GLB1: variants seen among roughly 807,000 people sequenced by gnomAD.
The protein encoded by GLB1 is beta-galactosidase.
In GLB1, 56 loss-of-function variants were observed where a neutral mutation model predicts 74.0. That is an observed-to-expected ratio of 0.76 (90% CI 0.61 to 0.94). The LOEUF is 0.94. GLB1 is among the 40% of genes least tolerant of loss of function. GLB1 has a pLI of 0.00. For missense variants in GLB1, 787 were observed against 845.5 expected (o/e 0.93, Z 0.86); for synonymous variants, 323 against 323.6 (o/e 1.00, Z 0.02).
intron 10 of GLB1, among the ~76,000 whole-genome samples, chr3:33,041,158 C>A (rs1325097420): frequency 1.3e-5 from 2 of 152,074 alleles, no homozygotes; most frequent in African/African-American, 4.8e-5. Context: ...TCCAAAACTA[C>A]CAAGCAGGAT....
At position 32,997,022 on chromosome 3, in the gene GLB1, C is replaced by T; in HGVS notation, c.*23G>A. On this transcript the variant is annotated 3_prime_UTR_variant, in exon 16 of 16. Coordinates refer to ENST00000307363, the MANE Select transcript of GLB1 (RefSeq NM_000404.4). ...GTGAGGTATGTTCAGGGTAGAATCC[C>T]TCAAAGACACAGGCTTTCATCATCA... 1.2e-6 allele frequency: 2 copies of T among 1,614,094 alleles called. No homozygotes were observed. The highest frequency in any genetic ancestry group is 1.7e-6 in the Non-Finnish European group (2 of 1,180,036).
intron 1 of GLB1, among the ~76,000 whole-genome samples, chr3:33,089,523 C>T (rs1559420361): frequency 6.6e-6 from 1 of 152,094 alleles, no homozygotes; most frequent in Non-Finnish European, 1.5e-5. Context: ...AAAACATGCT[C>T]AACATGGATA....
At chr3:33,010,083 G>A (rs922571890) in intron 15 of GLB1, among the ~76,000 whole-genome samples, 1 of 152,142 alleles carries the variant, frequency 6.6e-6, no homozygotes, top group Admixed American at 6.6e-5. Context: ...ATGTGAACAT[G>A]TTTTCCTTTC....
At chr3:33,027,748 C>T (rs1302693729) in intron 10 of GLB1, among the ~76,000 whole-genome samples, 2 of 152,084 alleles carry the variant, frequency 1.3e-5, no homozygotes, top group African/African-American at 4.8e-5. Context: ...CACCACTGCA[C>T]TCCAGCCTGG....
intron 1 of GLB1, chr3:33,094,278 A>G: frequency 6.6e-7 from 1 of 1,516,208 alleles, no homozygotes; most frequent in Non-Finnish European, 8.8e-7. Context: ...ACAGTGGCCA[A>G]GGAGAGGTTT....
downstream of GLB1, among the ~76,000 whole-genome samples, chr3:32,993,011 G>A (rs978433657): frequency 2.0e-5 from 3 of 152,178 alleles, no homozygotes; most frequent in African/African-American, 7.2e-5. Context: ...ATGTGCTGAT[G>A]GTCCACACCA....
intron 1 of GLB1, chr3:33,091,133 C>T (rs1700741341): frequency 1.0e-6 from 1 of 985,192 alleles, no homozygotes; most frequent in African/African-American, 1.7e-5. Flanking sequence ...GGATGATTCA[C>T]AAAATGCGGT....
At chr3:32,979,202 C>T in the GLB1 span, among the ~76,000 whole-genome samples, 1 of 151,978 alleles carries the variant, frequency 6.6e-6, no homozygotes, top group Non-Finnish European at 1.5e-5. Context: ...TCTCGAACTC[C>T]CAACCTCAGG....
the GLB1 span, among the ~76,000 whole-genome samples, chr3:32,973,260 A>C: frequency 6.6e-6 from 1 of 152,114 alleles, no homozygotes; most frequent in African/African-American, 2.4e-5. Flanking sequence ...ACTCTGGATG[A>C]TGGAAATTCT....
rs1485878321 is a variant in GLB1 at position 33,068,910 on chromosome 3, A to G, written c.306T>C (p.His102=). ...WPGQYQFSED[H]DVEYFLRLAH... Reference sequence around the variant, plus strand: ...CCAGCCGAAGAAAATATTCCACATCATGGTCCTCAGAAAACTGGTACTGTC... The same window carrying G: ...CCAGCCGAAGAAAATATTCCACATCGTGGTCCTCAGAAAACTGGTACTGTC... The change falls in exon 3 of 16, where the codon CAT becomes CAC. Residue 102 remains histidine, a synonymous_variant. Transcript: ENST00000307363. 6.2e-7 allele frequency: 1 copy of G among 1,614,108 alleles called. No individual in the cohort carries two copies. The highest frequency in any genetic ancestry group is 8.5e-7 in the Non-Finnish European group (1 of 1,180,032).
chr3:33,079,931 C>A (rs1418529894), intron 1 of GLB1, among the ~76,000 whole-genome samples: 5 of 152,026 alleles, frequency 3.3e-5, no homozygotes, highest in Non-Finnish European at 7.4e-5. Context: ...CAGGGGTGCG[C>A]CACCATGCTC....
the GLB1 span, among the ~76,000 whole-genome samples, chr3:32,975,853 G>A: frequency 6.6e-6 from 1 of 152,212 alleles, no homozygotes; most frequent in Non-Finnish European, 1.5e-5. Context: ...CACCCACTAA[G>A]AAAGAACAAA....
intron 1 of GLB1, among the ~76,000 whole-genome samples, chr3:33,080,269 G>A (rs956944749): frequency 2.0e-5 from 3 of 152,000 alleles, no homozygotes; most frequent in Admixed American, 6.6e-5. Flanking sequence ...TAGTAGAGAC[G>A]GGGTTTCACC....
In GLB1 at chr3:33,018,504, G is replaced by A; in HGVS notation, c.1291C>T (p.Pro431Ser). 1.2e-6 allele frequency: 2 copies of A among 1,614,020 alleles called. No individual in the cohort carries two copies. The highest frequency in any genetic ancestry group is 1.7e-6 in the Non-Finnish European group (2 of 1,179,996). The part of the protein sequence containing the change: ...TLPQDCSNPA[P>S]LSSPLNGVHD... ...ACTCCATTGAGGGGTGAAGAGAGAGGTGCTGGGTTGCTGCAATCTTGAGGA... is the reference window on the plus strand; with the variant it reads ...ACTCCATTGAGGGGTGAAGAGAGAGATGCTGGGTTGCTGCAATCTTGAGGA... Residue 431 changes from proline to serine, a missense_variant, in exon 13 of 16, where the codon CCT (proline) becomes TCT (serine). By Grantham distance (74) the Pro-to-Ser change is moderately conservative (BLOSUM62 -1). Transcript: ENST00000307363.
chr3:32,974,799 G>T, the GLB1 span, among the ~76,000 whole-genome samples: 1 of 152,154 alleles, frequency 6.6e-6, no homozygotes, highest in Admixed American at 6.5e-5. Context: ...GGTCTATTCA[G>T]ACTCTCAATT....
chr3:33,072,206 A>C (rs1259450411), intron 2 of GLB1, among the ~76,000 whole-genome samples: 4 of 152,204 alleles, frequency 2.6e-5, no homozygotes, highest in Non-Finnish European at 4.4e-5. Flanking sequence ...TATAAACAGG[A>C]ACAATAATAC....
the GLB1 span, among the ~76,000 whole-genome samples, chr3:32,975,821 T>C: frequency 6.6e-6 from 1 of 152,212 alleles, no homozygotes; most frequent in African/African-American, 2.4e-5. Context: ...TATGCTGATC[T>C]ATCTGGAGGA....
intron 1 of GLB1, among the ~76,000 whole-genome samples, chr3:33,084,731 T>A (rs1200793143): frequency 2.0e-5 from 3 of 152,074 alleles, no homozygotes; most frequent in Non-Finnish European, 2.9e-5. Flanking sequence ...AAAATTAAAT[T>A]AAAAAATATG....
At position 33,093,701 on chromosome 3, in the gene GLB1, C is replaced by T; in HGVS notation, c.75+3310G>A. 6.2e-7 allele frequency: 1 copy of T among 1,614,172 alleles called. No individual in the cohort carries two copies. Among genetic ancestry groups the T allele is most frequent in the Non-Finnish European group, 8.5e-7 (1 of 1,180,022 alleles). On this transcript the variant is annotated intron_variant, in intron 1 of 15. Transcript: ENST00000307363. The surrounding 1 kb of genome is among the most constrained non-coding windows in gnomAD (Gnocchi z 6.0). ...CAGTCACTCCCACTGCCAGGGCAGG[C>T]CTGAGCACGAGCTTCCTTGTCTTCT...
Sources: allele counts gnomAD v4.1 joint callset (sites outside exome capture counted in the v4.1 genomes callset), GRCh38; gene constraint gnomAD v4.1.1; non-coding constraint Gnocchi (gnomAD v3.1); transcripts MANE v1.5; gene names NCBI Gene and HGNC (gene_info 2026-07-23, HGNC 2026-07-21).